The following SIL1 variants were observed in gnomAD, a reference collection of about 807,000 sequenced individuals.
The protein encoded by SIL1 is nucleotide exchange factor SIL1.
In SIL1, 40 loss-of-function variants were observed where a neutral mutation model predicts 49.1. The ratio of observed to expected loss-of-function variants is 0.81; its 90% confidence interval spans 0.63 to 1.06. The LOEUF is 1.06. Among genes scored for constraint, SIL1 ranks in the 50% least tolerant of loss-of-function variants. The pLI is 0.00. For missense variants in SIL1, 500 were observed against 572.6 expected, an observed-to-expected ratio of 0.87 and a Z score of 1.29; for synonymous variants, 253 against 250.8, an observed-to-expected ratio of 1.01 and a Z score of -0.08.
chr5:139,193,375 C>T (rs1341944309), intron 1 of SIL1, among the ~76,000 whole-genome samples: 1 of 152,102 alleles, frequency 6.6e-6, no homozygotes, highest in Non-Finnish European at 1.5e-5. Context: ...ACCAGCCTGG[C>T]CAACATGGCA....
intron 3 of SIL1, among the ~76,000 whole-genome samples, chr5:139,087,826 A>C (rs1157581974): frequency 6.6e-6 from 1 of 152,176 alleles, no homozygotes; most frequent in Non-Finnish European, 1.5e-5. Context: ...CCCTTACACC[A>C]AGTTCTCAAA....
chr5:139,005,443 A>G (rs571127478), intron 7 of SIL1, among the ~76,000 whole-genome samples: 9 of 147,398 alleles, frequency 6.1e-5, no homozygotes, highest in Admixed American at 2.7e-4. Flanking sequence ...TTATTTATTT[A>G]TTTTTTCTTC....
intron 7 of SIL1, among the ~76,000 whole-genome samples, chr5:139,004,278 G>C (rs1002353167): frequency 6.6e-6 from 1 of 152,156 alleles, no homozygotes; most frequent in Non-Finnish European, 1.5e-5. Context: ...TGAGATTACA[G>C]GTGTGAGCCA....
chr5:139,128,314 G>A (rs1015363870), intron 1 of SIL1, among the ~76,000 whole-genome samples: 3 of 152,014 alleles, frequency 2.0e-5, no homozygotes, highest in Non-Finnish European at 1.5e-5. Flanking sequence ...AGCAAAGTTC[G>A]ATATTCCCAA....
chr5:139,001,822 G>A (rs1767989598), intron 7 of SIL1, among the ~76,000 whole-genome samples: 1 of 151,938 alleles, frequency 6.6e-6, no homozygotes, highest in Non-Finnish European at 1.5e-5. Context: ...GGAGAATGGT[G>A]TGAACCCGGG....
chr5:139,188,748 G>A (rs1282410693), intron 1 of SIL1, among the ~76,000 whole-genome samples: 2 of 152,216 alleles, frequency 1.3e-5, no homozygotes, highest in Non-Finnish European at 2.9e-5. Flanking sequence ...TGGCTGAAGA[G>A]CAGAAAGCAA....
rs898968621 is a variant in SIL1, at chr5:139,147,862, A to G, written c.-10-20009T>C. Reference sequence around the variant, plus strand: ...ATTAAATTCCTTAAGATCCTTGGACACTGGCACAGAGCACGCTGCCCTGGG... The same window carrying G: ...ATTAAATTCCTTAAGATCCTTGGACGCTGGCACAGAGCACGCTGCCCTGGG... On this transcript the variant is annotated intron_variant, in intron 1 of 9. Transcript: ENST00000394817. 3.3e-5 allele frequency among the ~76,000 whole-genome samples: 5 copies of G among 152,348 alleles called. No homozygotes were observed. The East Asian group carries it at 7.7e-4, about 23-fold the overall frequency.
intron 7 of SIL1, among the ~76,000 whole-genome samples, chr5:139,009,945 A>C (rs1768215076): frequency 6.6e-6 from 1 of 151,630 alleles, no homozygotes; most frequent in South Asian, 2.1e-4. Flanking sequence ...TGTGTCTTGG[A>C]GTTGCTCTTC....
intron 1 of SIL1, among the ~76,000 whole-genome samples, chr5:139,133,747 T>C (rs1750916090): frequency 6.6e-6 from 1 of 152,236 alleles, no homozygotes; most frequent in Non-Finnish European, 1.5e-5. Flanking sequence ...AAAATGCTCA[T>C]GTTATTAACC....
chr5:139,049,045 G>A (rs1366079268), intron 4 of SIL1, among the ~76,000 whole-genome samples: 4 of 152,152 alleles, frequency 2.6e-5, no homozygotes, highest in Non-Finnish European at 5.9e-5. Context: ...TGGGGTGAGT[G>A]CCACCTGAAA....
chr5:139,020,888 T>C (rs1473170446), intron 7 of SIL1, among the ~76,000 whole-genome samples: 1 of 152,202 alleles, frequency 6.6e-6, no homozygotes, highest in African/African-American at 2.4e-5. Context: ...CTATTTATAG[T>C]TGGTCTAACT....
At chr5:139,064,400 A>G (rs529954749) in intron 3 of SIL1, among the ~76,000 whole-genome samples, 1 of 152,300 alleles carries the variant, frequency 6.6e-6, no homozygotes, top group East Asian at 1.9e-4. Context: ...TGACAATCAG[A>G]GTGGGAGAAG....
At chr5:139,080,179 A>T (rs373690327) in intron 3 of SIL1, among the ~76,000 whole-genome samples, 141 of 152,342 alleles carry the variant, frequency 9.3e-4, no homozygotes, top group Middle Eastern at 3.4e-3. Flanking sequence ...TTTACCACCC[A>T]TTGGACACAC....
intron 1 of SIL1, among the ~76,000 whole-genome samples, chr5:139,138,808 C>A (rs778400857): frequency 1.3e-5 from 2 of 152,178 alleles, no homozygotes; most frequent in Non-Finnish European, 2.9e-5. Context: ...GCAAAAGCAG[C>A]GAGGGCTTCA....
chr5:139,172,391 T>C (rs1751789261), intron 1 of SIL1, among the ~76,000 whole-genome samples: 1 of 152,124 alleles, frequency 6.6e-6, no homozygotes, highest in Non-Finnish European at 1.5e-5. Context: ...CCCAGCACTT[T>C]GGGAGGCTGA....
intron 1 of SIL1, among the ~76,000 whole-genome samples, chr5:139,161,168 G>C (rs1751506083): frequency 6.6e-6 from 1 of 152,126 alleles, no homozygotes; most frequent in South Asian, 2.1e-4. Flanking sequence ...GCTTGAACCT[G>C]GGAGGCAGAG....
At chr5:139,166,208 G>C (rs535187729) in intron 1 of SIL1, among the ~76,000 whole-genome samples, 1 of 152,190 alleles carries the variant, frequency 6.6e-6, no homozygotes, top group Non-Finnish European at 1.5e-5. Context: ...GAATTTGTCT[G>C]ATATAAATCA....
chr5:139,046,928 T>C (rs1374047171), intron 4 of SIL1, among the ~76,000 whole-genome samples: 1 of 152,244 alleles, frequency 6.6e-6, no homozygotes, highest in Non-Finnish European at 1.5e-5. Flanking sequence ...GATAATATCT[T>C]ACTTCTGTGC....
intron 7 of SIL1, among the ~76,000 whole-genome samples, chr5:139,018,461 G>A (rs561465975): frequency 5.3e-5 from 8 of 151,918 alleles, no homozygotes; most frequent in South Asian, 2.1e-4. Flanking sequence ...GTGGTGCCGC[G>A]TACCTGTAGT....
Sources: allele counts gnomAD v4.1 joint callset (sites outside exome capture counted in the v4.1 genomes callset), GRCh38; gene constraint gnomAD v4.1.1; transcripts MANE v1.5; gene names NCBI Gene and HGNC (gene_info 2026-07-23, HGNC 2026-07-21).